Variants in DNAH2 observed in about 807,000 individuals in gnomAD.
The protein encoded by DNAH2 is axonemal beta dynein heavy chain 2.
Under a neutral mutation model 523.5 loss-of-function variants are expected in DNAH2, and 323 were observed. The ratio of observed to expected loss-of-function variants is 0.62; its 90% CI spans 0.56 to 0.68. The LOEUF (loss-of-function observed/expected upper bound fraction) is 0.68, where lower values mean the gene tolerates loss of function less well. Among genes scored for constraint, DNAH2 ranks in the 30% least tolerant of loss-of-function variants. The pLI, the probability that DNAH2 is intolerant of heterozygous loss-of-function variation, is 0.00. For synonymous variants in DNAH2, 2,093 were observed against 2,177.4 expected, an observed-to-expected ratio of 0.96 and a Z score of 1.08; for missense variants, 4,907 against 5,701.5, an observed-to-expected ratio of 0.86 and a Z score of 4.49.
intron 12 of DNAH2, chr17:7,743,752 G>A (rs1401703015): frequency 5.3e-6 from 1 of 190,042 alleles, no homozygotes; most frequent in Non-Finnish European, 1.1e-5. Flanking sequence ...GCTCAGCTAA[G>A]TCACCCAAAC....
intron 44 of DNAH2, 32 bp downstream of exon 44, chr17:7,788,276 C>T: frequency 6.5e-7 from 1 of 1,533,098 alleles, no homozygotes. Flanking sequence ...CGGGCAGGGG[C>T]AGGGGGTGCT....
At position 7,717,969 on chromosome 17, in the gene DNAH2, AG is replaced by A. The variant is rs1394890189; in HGVS notation, c.-840del. 5 of 17,310 alleles carry A rather than the reference AG, an allele frequency of 2.9e-4. No homozygotes were observed. The highest frequency in any genetic ancestry group is 1.4e-3 in the African/African-American group (5 of 3,518). 1.1% of individuals were successfully genotyped at this position (17,310 alleles called of 1,614,324 possible). Reference sequence around the variant, plus strand: ...GGAGCAAGGAATATTTGTGTGGGGGAGGGGGAGGAGAAGGGGCAGTTGTGAC... The same window carrying A: ...GGAGCAAGGAATATTTGTGTGGGGGAGGGGAGGAGAAGGGGCAGTTGTGAC... On this transcript the variant is annotated 5_prime_UTR_variant, in exon 1 of 86. Coordinates refer to ENST00000572933, the MANE Select transcript of DNAH2 (RefSeq NM_020877.5).
chr17:7,764,263 T>C lies in DNAH2; in HGVS notation c.3326T>C (p.Val1109Ala), dbSNP rs766891409. ...ATTCTTGAAAAGTACGAGGTGCCAG[T>C]CGAGGACAGTGTGAGTTCCTTTGGT... ...FAILEKYEVP[V>A]EDSVLEMLDS... Residue 1109 changes from valine (V) to alanine (A), a missense_variant, in exon 20 of 86, where the codon GTC (valine) becomes GCC (alanine). Transcript: ENST00000572933. The C allele has an allele frequency of 6.2e-5, 99 of 1,604,720 alleles. No individual in the cohort carries two copies. The Admixed American group carries it at 1.7e-3, about 27-fold the overall frequency.
intron 67 of DNAH2, 45 bp downstream of exon 67, chr17:7,817,901 C>T (rs200093358): frequency 6.8e-4 from 1,102 of 1,614,022 alleles, no homozygotes; most frequent in South Asian, 1.2e-3. Flanking sequence ...TCCTGAGGCC[C>T]CACCTCTCCC....
At chr17:7,744,293 CAAAAA>C (rs397977899) in intron 12 of DNAH2, among the ~76,000 whole-genome samples, 2 of 37,118 alleles carry the variant, frequency 5.4e-5, no homozygotes, top group Non-Finnish European at 1.2e-4. Context: ...GTCTCCGTCT[CAAAAA>C]AAAAAAAAAA....
In DNAH2 at chr17:7,754,761, A is replaced by G; in HGVS notation, c.1905-2330A>G. On this transcript the variant is annotated intron_variant, in intron 12 of 85. Transcript: ENST00000572933. The surrounding 1 kb of genome is among the most constrained non-coding windows in gnomAD (Gnocchi z 4.6). ...GCTGTGCCGGCCCAAGGCCAAGGCCAAGGATCAAACCAAGGCCCAGGCTGC... is the reference window on the plus strand; with the variant it reads ...GCTGTGCCGGCCCAAGGCCAAGGCCGAGGATCAAACCAAGGCCCAGGCTGC... The G allele has an allele frequency of 1.0e-6, 1 of 977,010 alleles. No individual in the cohort carries two copies. The highest frequency in any genetic ancestry group is 1.6e-6 in the Non-Finnish European group (1 of 618,506). 60.5% of individuals were successfully genotyped at this position (977,010 alleles called of 1,614,324 possible). A position where few individuals can be genotyped will look rare whatever the true frequency, so the allele number is the denominator to read the frequency against.
intron 56 of DNAH2, 21 bp downstream of exon 56, chr17:7,799,263 C>T (rs759056170): frequency 1.9e-6 from 3 of 1,611,798 alleles, no homozygotes; most frequent in Non-Finnish European, 8.5e-7. Flanking sequence ...TGACATCCTT[C>T]TCTCAGCCCC....
At chr17:7,741,681 T>C (rs963874968) in intron 11 of DNAH2, among the ~76,000 whole-genome samples, 1 of 145,638 alleles carries the variant, frequency 6.9e-6, no homozygotes, top group Non-Finnish European at 1.5e-5. Context: ...TCTTTTTTTC[T>C]GAGATGGAGT....
rs1177474671 is a variant in DNAH2, at chr17:7,797,163, G to A, written c.7864-13G>A. ...TTTTGCTCCCTGGTCCCAACAGTCA[G>A]TCCTCTTCCCAGGTGTTCCAGGGCA... On this transcript the variant is annotated splice_polypyrimidine_tract_variant and intron_variant, in intron 50 of 85. Transcript: ENST00000572933. The A allele has an allele frequency of 1.2e-6, 2 of 1,607,064 alleles. No homozygotes were observed. Among genetic ancestry groups the A allele is most frequent in the South Asian group, 1.1e-5 (1 of 90,892 alleles).
chr17:7,762,046 TG>T (rs2076020155), intron 18 of DNAH2, among the ~76,000 whole-genome samples: 1 of 152,218 alleles, frequency 6.6e-6, no homozygotes, highest in Non-Finnish European at 1.5e-5. Flanking sequence ...ACTTAGTAGC[TG>T]TGTGACTTTA....
intron 3 of DNAH2, among the ~76,000 whole-genome samples, chr17:7,724,348 C>T (rs950792588): frequency 2.6e-5 from 4 of 152,166 alleles, no homozygotes; most frequent in African/African-American, 7.2e-5. Context: ...TGGCCAGACA[C>T]GGTGGCTCAA....
chr17:7,753,818 C>G (rs771743363), intron 12 of DNAH2, among the ~76,000 whole-genome samples: 1 of 151,900 alleles, frequency 6.6e-6, no homozygotes, highest in East Asian at 1.9e-4. Context: ...CATGGTGGTG[C>G]GCACCTATAG....
intron 33 of DNAH2, 122 bp downstream of exon 33, chr17:7,777,756 T>A: frequency 8.0e-7 from 1 of 1,255,218 alleles, no homozygotes; most frequent in Non-Finnish European, 1.1e-6. Flanking sequence ...CCCACTACCC[T>A]AATCCGGTTC....
Position 7,754,605 on chromosome 17 carries a change from GC to G in DNAH2, c.1905-2483del. On this transcript the variant is annotated intron_variant, in intron 12 of 85. Transcript: ENST00000572933. This position sits in a 1 kb window ranked among gnomAD's most constrained non-coding sequence, Gnocchi z 4.6. The stretch of plus-strand genomic sequence containing the variant: ...GAGTCCACGTGCCGAGGCTCTCAAG[GC>G]CCTCGTAAAGCCCAAGGAGGTTAAG... The G allele has an allele frequency of 6.6e-7, 1 of 1,506,062 alleles. No individual in the cohort carries two copies. Among genetic ancestry groups the G allele is most frequent in the Non-Finnish European group, 9.1e-7 (1 of 1,097,896 alleles). The allele number at this position is 1,506,062 out of a possible 1,614,324, so 93.3% of individuals were successfully genotyped here.
At chr17:7,787,829 A>C in intron 42 of DNAH2, 31 bp from the exon 43 acceptor site, 1 of 1,574,930 alleles carries the variant, frequency 6.3e-7, no homozygotes. Context: ...ATGCAGAGAA[A>C]GATGAAGTTC....
At chr17:7,777,044 T>C (rs555520645) in intron 32 of DNAH2, among the ~76,000 whole-genome samples, 155 bp downstream of exon 32, 7 of 147,934 alleles carry the variant, frequency 4.7e-5, no homozygotes, top group African/African-American at 1.8e-4. Context: ...AATTAGCTGG[T>C]GGCACACCCA....
chr17:7,761,258 T>G (rs1188763728), intron 18 of DNAH2, among the ~76,000 whole-genome samples: 1 of 151,910 alleles, frequency 6.6e-6, no homozygotes, highest in Non-Finnish European at 1.5e-5. Context: ...AAATAGAAGA[T>G]TATTTTGTTT....
chr17:7,779,383 T>A lies in DNAH2; in HGVS notation c.5682T>A (p.Asn1894Lys). Residue 1894 changes from asparagine (N) to lysine (K), a missense_variant, in exon 36 of 86, where the codon AAT (asparagine) becomes AAA (lysine). This residue lies in a region of DNAH2 where 2,806 missense variants were observed against 3,190.8 expected (regional missense o/e 0.88). Transcript: ENST00000572933. ...TCCATTTTGATGGCTTTGAAATAAA[T>A]CTGGTGTGGTCCTGTGGGATCTTCA... is the stretch of plus-strand genomic sequence containing the variant. ...THFHFDGFEI[N>K]LVWSCGIFIT... 6.2e-7 allele frequency: 1 copy of A among 1,613,976 alleles called. No individual in the cohort carries two copies. Among genetic ancestry groups the A allele is most frequent in the Non-Finnish European group, 8.5e-7 (1 of 1,179,968 alleles).
chr17:7,804,357 C>T lies in DNAH2; in HGVS notation c.9074C>T (p.Ser3025Leu), dbSNP rs758404974. The T allele has an allele frequency of 1.8e-5, 29 of 1,613,978 alleles. No homozygotes were observed. The highest frequency in any genetic ancestry group is 1.9e-5 in the Non-Finnish European group (23 of 1,180,036). Residue 3025 changes from serine to leucine, a missense_variant, in exon 59 of 86, where the codon TCG (serine) becomes TTG (leucine). By Grantham distance (145) the Ser-to-Leu change is moderately radical. This residue lies in a region of DNAH2 where 1,851 missense variants were observed against 2,139.4 expected (regional missense o/e 0.87). Coordinates refer to ENST00000572933, the MANE Select transcript of DNAH2 (RefSeq NM_020877.5). ...ACTAGGGAAAAGGTGCAAGTGATGT[C>T]GTTGGAGCTGGAGGATGCCAAGAAG... ...DETREKVQVM[S>L]LELEDAKKKV...
Sources: gnomAD v4.1 joint callset for allele counts (sites outside exome capture counted in the v4.1 genomes callset) on GRCh38, gnomAD v4.1.1 for gene constraint, gnomAD v4.1.1 regional missense constraint, Gnocchi (gnomAD v3.1) non-coding constraint, MANE v1.5 for transcripts, NCBI Gene and HGNC (gene_info 2026-07-23, HGNC 2026-07-21) for gene names.